Variants in HTR1F observed in about 807,000 individuals in gnomAD.
HTR1F encodes 5-hydroxytryptamine receptor 1F.
Under a neutral mutation model 24.0 loss-of-function variants are expected in HTR1F, and 17 were observed. That is an observed-to-expected ratio of 0.71 (90% CI 0.48 to 1.06). The LOEUF (loss-of-function observed/expected upper bound fraction) is 1.06. Ranked by LOEUF, HTR1F falls within the 50% of genes least tolerant of loss-of-function variation. The pLI is 0.00. For synonymous variants in HTR1F, 186 were observed against 156.8 expected, an observed-to-expected ratio of 1.19 and a Z score of -1.39; for missense variants, 391 against 427.8, an observed-to-expected ratio of 0.91 and a Z score of 0.76.
chr3:87,887,399 C>G (rs1250140364), intron 2 of HTR1F, among the ~76,000 whole-genome samples: 1 of 152,176 alleles, frequency 6.6e-6, no homozygotes, highest in African/African-American at 2.4e-5. Context: ...CAATACCATT[C>G]ATGACATAGG....
chr3:87,807,940 T>G (rs193066456), intron 1 of HTR1F, among the ~76,000 whole-genome samples: 23 of 152,182 alleles, frequency 1.5e-4, no homozygotes, highest in Non-Finnish European at 7.4e-5. Context: ...TTGCATGCCT[T>G]GAACCATTCT....
chr3:87,953,350 G>A lies in HTR1F; in HGVS notation c.-42-37358G>A, dbSNP rs570791748. 3.9e-5 allele frequency among the ~76,000 whole-genome samples: 4 copies of A among 103,268 alleles called. No homozygotes were observed. The East Asian group carries it at 6.6e-4, about 17-fold the overall frequency. 67.7% of individuals were successfully genotyped at this position (103,268 alleles called of 152,430 possible). ...GAAAATATAAAGAACTCGATTTAAC[G>A]GCAAAAAAAAAAAGAAAAGAAAATA... On this transcript the variant is annotated intron_variant, in intron 2 of 2. Transcript: ENST00000319595.
intron 2 of HTR1F, among the ~76,000 whole-genome samples, chr3:87,837,986 G>A (rs1230180083): frequency 1.4e-4 from 21 of 151,606 alleles, no homozygotes; most frequent in Middle Eastern, 3.4e-3. Flanking sequence ...TTTTGTCCAC[G>A]TGGATACTAT....
At chr3:87,832,248 A>T (rs1369374455) in intron 2 of HTR1F, among the ~76,000 whole-genome samples, 1 of 152,108 alleles carries the variant, frequency 6.6e-6, no homozygotes, top group Non-Finnish European at 1.5e-5. Flanking sequence ...TGATAGTAGA[A>T]ATAATTAATT....
Position 87,991,275 on chromosome 3 carries a change from C to G in HTR1F, c.526C>G (p.His176Asp). ...CAGAGATGATGAATGCATCATCAAG[C>G]ACGACCACATTGTTTCCACCATTTA... ...TSRDDECIIK[H>D]DHIVSTIYST... The change falls in exon 3 of 3, where the codon CAC (histidine) becomes GAC (aspartate). Residue 176 changes from histidine (H) to aspartate (D), a missense_variant. Physicochemically the swap from His to Asp is moderately conservative, Grantham distance 81. Coordinates refer to ENST00000319595, the MANE Select transcript of HTR1F (RefSeq NM_001322209.2). 13 of 1,613,846 alleles carry G rather than the reference C, an allele frequency of 8.1e-6. No individual in the cohort carries two copies. Among genetic ancestry groups the G allele is most frequent in the Non-Finnish European group, 1.1e-5 (13 of 1,179,838 alleles).
At chr3:87,867,586 A>G (rs1705457079) in intron 2 of HTR1F, among the ~76,000 whole-genome samples, 1 of 148,954 alleles carries the variant, frequency 6.7e-6, no homozygotes, top group Middle Eastern at 3.2e-3. Flanking sequence ...CCTCCCCCAG[A>G]AAATCAATGT....
chr3:87,830,462 C>T (rs1458808864), intron 2 of HTR1F, among the ~76,000 whole-genome samples: 2 of 152,124 alleles, frequency 1.3e-5, no homozygotes, highest in Non-Finnish European at 2.9e-5. Context: ...TTGGTCATGT[C>T]ATAAAACTAT....
intron 2 of HTR1F, among the ~76,000 whole-genome samples, chr3:87,871,538 G>T (rs1316794838): frequency 2.0e-5 from 3 of 151,974 alleles, no homozygotes; most frequent in Admixed American, 2.0e-4. Context: ...GGAAGAAAAT[G>T]GACATCTAAA....
chr3:87,838,995 T>TTTTA lies in HTR1F; in HGVS notation c.-43+16883_-43+16886dup, dbSNP rs1428404046. On this transcript the variant is annotated intron_variant, in intron 2 of 2. Transcript: ENST00000319595. ...GTCTCTTTATTCTATTGATTGTTCTTTTTATTTATTTATTTTATTTTTATT... is the reference window on the plus strand; with the variant it reads ...GTCTCTTTATTCTATTGATTGTTCTTTTTATTTATTTATTTATTTTATTTTTATT... Among the ~76,000 whole-genome samples the TTTTA allele has an allele frequency of 1.4e-4, 20 of 146,680 alleles. No individual in the cohort carries two copies. The East Asian group carries it at 4.1e-3, about 30-fold the overall frequency.
intron 2 of HTR1F, among the ~76,000 whole-genome samples, chr3:87,839,389 T>C (rs188354192): frequency 4.6e-5 from 7 of 152,152 alleles, no homozygotes; most frequent in African/African-American, 1.7e-4. Context: ...TACACCTGAG[T>C]TCTGTATTCT....
At chr3:87,819,345 T>A (rs1040621400) in intron 1 of HTR1F, among the ~76,000 whole-genome samples, 1 of 152,040 alleles carries the variant, frequency 6.6e-6, no homozygotes, top group Admixed American at 6.6e-5. Flanking sequence ...ATAAGATTTT[T>A]TTTTTTGCTT....
At chr3:87,956,681 G>A (rs1429520403) in intron 2 of HTR1F, among the ~76,000 whole-genome samples, 1 of 151,230 alleles carries the variant, frequency 6.6e-6, no homozygotes, top group Non-Finnish European at 1.5e-5. Context: ...ATAATTTTCA[G>A]AGCAGATGGT....
Position 87,813,417 on chromosome 3 carries a change from C to A in HTR1F, c.-159-8591C>A, listed in dbSNP as rs574432845. On this transcript the variant is annotated intron_variant, in intron 1 of 2. Transcript: ENST00000319595. ...TCCAATGCCTGTATCCCCATTATAT[C>A]TTGAAAGTAACTAACTTGCTTTTGA... 7.2e-5 allele frequency among the ~76,000 whole-genome samples: 11 copies of A among 152,290 alleles called. No homozygotes were observed. In the South Asian group the frequency reaches 2.3e-3, roughly 32 times the overall value.
intron 2 of HTR1F, among the ~76,000 whole-genome samples, chr3:87,946,693 G>A (rs1256009448): frequency 4.6e-5 from 7 of 151,124 alleles, no homozygotes; most frequent in Non-Finnish European, 1.0e-4. Flanking sequence ...ACAATCTCGG[G>A]CTGCTCACTA....
At chr3:87,875,219 G>A (rs1411179598) in intron 2 of HTR1F, among the ~76,000 whole-genome samples, 1 of 152,104 alleles carries the variant, frequency 6.6e-6, no homozygotes, top group Non-Finnish European at 1.5e-5. Context: ...GGGAGGCTGA[G>A]GCAGGTGGAT....
chr3:87,833,912 A>G (rs1704632800), intron 2 of HTR1F, among the ~76,000 whole-genome samples: 1 of 152,156 alleles, frequency 6.6e-6, no homozygotes, highest in Admixed American at 6.5e-5. Context: ...TCCATTTTTA[A>G]TAACTTTGTA....
intron 2 of HTR1F, among the ~76,000 whole-genome samples, chr3:87,931,335 G>A (rs1486142089): frequency 3.9e-5 from 6 of 152,178 alleles, no homozygotes; most frequent in Non-Finnish European, 5.9e-5. Context: ...TACTTAGAAT[G>A]ATGATTTCCA....
At chr3:87,930,514 A>T (rs1704236348) in intron 2 of HTR1F, among the ~76,000 whole-genome samples, 1 of 152,178 alleles carries the variant, frequency 6.6e-6, no homozygotes, top group Non-Finnish European at 1.5e-5. Flanking sequence ...ATTTTATCAA[A>T]AACCTTTTCT....
intron 2 of HTR1F, among the ~76,000 whole-genome samples, chr3:87,900,258 G>A (rs190785511): frequency 8.5e-4 from 129 of 152,174 alleles, no homozygotes; most frequent in African/African-American, 2.8e-3. Context: ...GACCTGAAGG[G>A]GGCAATAGAA....
Sources: allele counts gnomAD v4.1 joint callset (sites outside exome capture counted in the v4.1 genomes callset), GRCh38; gene constraint gnomAD v4.1.1; transcripts MANE v1.5; gene names NCBI Gene and HGNC (gene_info 2026-07-23, HGNC 2026-07-21).